The following DVL3 variants were observed in gnomAD, a reference collection of about 807,000 sequenced individuals.
DVL3 encodes the protein dishevelled segment polarity protein 3.
A neutral mutation model predicts 67.4 loss-of-function variants in DVL3; 27 were observed. The ratio of observed to expected loss-of-function variants is 0.40; its 90% CI spans 0.30 to 0.55. The LOEUF (loss-of-function observed/expected upper bound fraction) is 0.55. DVL3 is among the 20% of genes least tolerant of loss of function. The pLI is 0.46. For synonymous variants in DVL3, 369 were observed against 396.8 expected (o/e 0.93, Z 0.83); for missense variants, 819 against 1,021.5 (o/e 0.80, Z 2.70).
chr3:184,165,693 A>G lies in DVL3; in HGVS notation c.763+202A>G, dbSNP rs1714558884. Among the ~76,000 whole-genome samples, 3 of 152,188 alleles carry G rather than the reference A, an allele frequency of 2.0e-5. No homozygotes were observed. Among genetic ancestry groups the G allele is most frequent in the Admixed American group, 2.0e-4 (3 of 15,288 alleles). ...AGCACAGAGAGCTGTGGAAGCAGAA[A>G]ATGGTATCAGGGAAGGCTTCCTGGA... On this transcript the variant is annotated intron_variant, in intron 7 of 14. Coordinates refer to ENST00000313143, the MANE Select transcript of DVL3 (RefSeq NM_004423.4). This position sits in a 1 kb window ranked among gnomAD's most constrained non-coding sequence, Gnocchi z 4.1.
intron 13 of DVL3, among the ~76,000 whole-genome samples, chr3:184,169,611 C>A (rs1313126047): frequency 6.6e-6 from 1 of 152,140 alleles, no homozygotes; most frequent in African/African-American, 2.4e-5. Context: ...TCGCTTAAAC[C>A]AGGGAGGAAG....
In DVL3 at chr3:184,171,480, T is replaced by A; in HGVS notation, c.*725T>A. On this transcript the variant is annotated 3_prime_UTR_variant, in exon 15 of 15. Coordinates refer to ENST00000313143, the MANE Select transcript of DVL3 (RefSeq NM_004423.4). ...GGTTCCTTCAGACCCCTAACCCTACTAACCAGCAGGCTCATCTCACCTCCA... is the reference window on the plus strand; with the variant it reads ...GGTTCCTTCAGACCCCTAACCCTACAAACCAGCAGGCTCATCTCACCTCCA... The A allele has an allele frequency of 1.0e-6, 1 of 986,008 alleles. No individual in the cohort carries two copies. The highest frequency in any genetic ancestry group is 1.2e-6 in the Non-Finnish European group (1 of 830,048). 61.1% of individuals were successfully genotyped at this position (986,008 alleles called of 1,614,324 possible).
rs1381346832 is a variant in DVL3 at position 184,170,797 on chromosome 3, C to T, written c.*42C>T. The T allele has an allele frequency of 1.9e-6, 3 of 1,607,058 alleles. No homozygotes were observed. The highest frequency in any genetic ancestry group is 1.7e-6 in the Non-Finnish European group (2 of 1,177,134). On this transcript the variant is annotated 3_prime_UTR_variant, in exon 15 of 15. Transcript: ENST00000313143. The surrounding 1 kb of genome is among the most constrained non-coding windows in gnomAD (Gnocchi z 6.5). ...AGCTCCATTCCGCTCCCACCCCAGC[C>T]GGCTGCGTTCCTCTCTCCATCCGTC...
chr3:184,168,515 A>G (rs1162203989), intron 13 of DVL3, among the ~76,000 whole-genome samples: 4 of 152,194 alleles, frequency 2.6e-5, no homozygotes, highest in Non-Finnish European at 5.9e-5. Flanking sequence ...CGTCATCACC[A>G]GCTCTGGGCA....
rs1237322244 is a variant in DVL3, at chr3:184,155,854, T to A, written c.161+58T>A. On this transcript the variant is annotated intron_variant, in intron 1 of 14. Transcript: ENST00000313143. This position sits in a 1 kb window ranked among gnomAD's most constrained non-coding sequence, Gnocchi z 5.4. ...CCCGGCCGCTCTGGCTTCTAAGGGATGACGCGGTCCGTTTCGACTTGCCTC... is the reference window on the plus strand; with the variant it reads ...CCCGGCCGCTCTGGCTTCTAAGGGAAGACGCGGTCCGTTTCGACTTGCCTC... The A allele has an allele frequency of 6.5e-7, 1 of 1,542,150 alleles. No individual in the cohort carries two copies. Among genetic ancestry groups the A allele is most frequent in the Non-Finnish European group, 8.7e-7 (1 of 1,143,526 alleles).
In DVL3 at chr3:184,165,261, C is replaced by T. The variant is rs999553049; in HGVS notation, c.693+55C>T. 24 of 1,549,868 alleles carry T rather than the reference C, an allele frequency of 1.5e-5. No homozygotes were observed. Among genetic ancestry groups the T allele is most frequent in the South Asian group, 4.9e-5 (4 of 82,308 alleles). On this transcript the variant is annotated intron_variant, in intron 6 of 14. Transcript: ENST00000313143. The surrounding 1 kb of genome is among the most constrained non-coding windows in gnomAD (Gnocchi z 4.1). ...GGAGGCAGATTGTGAGCCCTTCCTA[C>T]GCAGGGCCAAGGCTTGTTCTTCCTT...
intron 1 of DVL3, among the ~76,000 whole-genome samples, chr3:184,156,607 A>G (rs1376946927): frequency 6.6e-6 from 1 of 152,194 alleles, no homozygotes; most frequent in African/African-American, 2.4e-5. Context: ...ACCCAGCTGC[A>G]GAGATCTGGA....
chr3:184,159,203 A>G lies in DVL3; in HGVS notation c.161+3407A>G, dbSNP rs1196027727. 1.9e-5 allele frequency among the ~76,000 whole-genome samples: 2 copies of G among 105,340 alleles called. 1 individual carries two copies. The highest frequency in any genetic ancestry group is 7.3e-5 in the African/African-American group (2 of 27,388). 69.1% of individuals were successfully genotyped at this position (105,340 alleles called of 152,430 possible). A position where few individuals can be genotyped will look rare whatever the true frequency, so the allele number is the denominator to read the frequency against. ...GCCTTGAGCTGTGAGAGAGGGCAGC[A>G]TGGCGATCAGGTCATTAGCTGTGTG... is the stretch of plus-strand genomic sequence containing the variant. On this transcript the variant is annotated intron_variant, in intron 1 of 14. Transcript: ENST00000313143.
Position 184,166,564 on chromosome 3 carries a change from C to T in DVL3, c.980+42C>T. On this transcript the variant is annotated intron_variant, in intron 9 of 14. Transcript: ENST00000313143. This position sits in a 1 kb window ranked among gnomAD's most constrained non-coding sequence, Gnocchi z 6.7. ...GCACTGGGCAAGGGGCTTGGTCTGG[C>T]CTATACGCATCCTGCCTTCACTAGG... The T allele has an allele frequency of 6.2e-7, 1 of 1,614,116 alleles. No homozygotes were observed. The highest frequency in any genetic ancestry group is 8.5e-7 in the Non-Finnish European group (1 of 1,179,992).
In DVL3 at chr3:184,165,400, T is replaced by A. The variant is rs200716349; in HGVS notation, c.694-22T>A. The stretch of plus-strand genomic sequence containing the variant: ...AATTCCTGCCACCTCCACCTGCTGC[T>A]CAGGGCCTCTGTCTATTCCAGTCCT... On this transcript the variant is annotated intron_variant, in intron 6 of 14. Coordinates refer to ENST00000313143, the MANE Select transcript of DVL3 (RefSeq NM_004423.4). The surrounding 1 kb of genome is among the most constrained non-coding windows in gnomAD (Gnocchi z 4.1). 11 of 1,613,284 alleles carry A rather than the reference T, an allele frequency of 6.8e-6. No homozygotes were observed. In the South Asian group the frequency reaches 1.2e-4, roughly 18 times the overall value.
Position 184,171,163 on chromosome 3 carries a change from T to G in DVL3, c.*408T>G. 1.7e-6 allele frequency: 2 copies of G among 1,154,474 alleles called. No individual in the cohort carries two copies. 71.5% of individuals were successfully genotyped at this position (1,154,474 alleles called of 1,614,324 possible). On this transcript the variant is annotated 3_prime_UTR_variant, in exon 15 of 15. Coordinates refer to ENST00000313143, the MANE Select transcript of DVL3 (RefSeq NM_004423.4). ...AGCTCCCTTTCACCATTTATTCAGC[T>G]ACATCATCCCTCTATTAACCCCACC...
In DVL3 at chr3:184,164,717, C is replaced by T; in HGVS notation, c.464-79C>T. 1.2e-6 allele frequency: 2 copies of T among 1,600,476 alleles called. No individual in the cohort carries two copies. The highest frequency in any genetic ancestry group is 2.3e-5 in the South Asian group (2 of 88,862). ...GCTCAGGATATGCCTGGCCCCAGTG[C>T]AGCCCCTGGCTTGCCTCTCTCCCTC... is the stretch of plus-strand genomic sequence containing the variant. On this transcript the variant is annotated intron_variant, in intron 4 of 14. Transcript: ENST00000313143. The surrounding 1 kb of genome is among the most constrained non-coding windows in gnomAD (Gnocchi z 5.3).
Position 184,170,449 on chromosome 3 carries a change from G to T in DVL3, c.1845G>T (p.Gly615=). 6.3e-7 allele frequency: 1 copy of T among 1,582,770 alleles called. No homozygotes were observed. Among genetic ancestry groups the T allele is most frequent in the South Asian group, 1.1e-5 (1 of 87,630 alleles). ...SDHTTRSSLR[G]PRERAPSERS... ...ACACCACACGCAGCAGCCTGCGGGG[G>T]CCGCGGGAGCGGGCGCCCAGCGAGC... is the stretch of plus-strand genomic sequence containing the variant. The change falls in exon 15 of 15, where the codon GGG becomes GGT. Residue 615 remains glycine, a synonymous_variant. Transcript: ENST00000313143. This position sits in a 1 kb window ranked among gnomAD's most constrained non-coding sequence, Gnocchi z 6.5.
rs1273428289 is a variant in DVL3, at chr3:184,155,828, C to G, written c.161+32C>G. 6.3e-7 allele frequency: 1 copy of G among 1,577,972 alleles called. No homozygotes were observed. The highest frequency in any genetic ancestry group is 1.4e-5 in the African/African-American group (1 of 73,220). On this transcript the variant is annotated intron_variant, in intron 1 of 14. Transcript: ENST00000313143. This position sits in a 1 kb window ranked among gnomAD's most constrained non-coding sequence, Gnocchi z 5.4. ...ATGGCCCCCGCCCCGCCTCCGGGAGCCCCGGCCGCTCTGGCTTCTAAGGGA... is the reference window on the plus strand; with the variant it reads ...ATGGCCCCCGCCCCGCCTCCGGGAGGCCCGGCCGCTCTGGCTTCTAAGGGA...
chr3:184,163,793 C>T lies in DVL3; in HGVS notation c.231+67C>T, dbSNP rs1714465007. 3.5e-6 allele frequency: 5 copies of T among 1,414,916 alleles called. No individual in the cohort carries two copies. The highest frequency in any genetic ancestry group is 3.5e-5 in the South Asian group (3 of 86,030). The allele number at this position is 1,414,916 out of a possible 1,614,324, so 87.6% of individuals were successfully genotyped here. Reference sequence around the variant, plus strand: ...TGGGCTGGACGAGGGAAAGGCATCACTGAGATTGTAGCTGGTGGTTTTAAG... The same window carrying T: ...TGGGCTGGACGAGGGAAAGGCATCATTGAGATTGTAGCTGGTGGTTTTAAG... On this transcript the variant is annotated intron_variant, in intron 2 of 14. Transcript: ENST00000313143. This position sits in a 1 kb window ranked among gnomAD's most constrained non-coding sequence, Gnocchi z 4.5.
chr3:184,170,570 C>G lies in DVL3; in HGVS notation c.1966C>G (p.Pro656Ala), dbSNP rs1270820963. 1.2e-6 allele frequency: 2 copies of G among 1,612,448 alleles called. No homozygotes were observed. Among genetic ancestry groups the G allele is most frequent in the Non-Finnish European group, 1.7e-6 (2 of 1,179,148 alleles). ...SHHTHPSYGP[P>A]GVPPLYGPPM... ...CCACACACACCCGAGCTACGGTCCT[C>G]CCGGAGTGCCCCCTCTCTACGGCCC... Residue 656 changes from proline (P) to alanine (A), a missense_variant, in exon 15 of 15, where the codon CCC (proline) becomes GCC (alanine). Coordinates refer to ENST00000313143, the MANE Select transcript of DVL3 (RefSeq NM_004423.4). This position sits in a 1 kb window ranked among gnomAD's most constrained non-coding sequence, Gnocchi z 6.5.
chr3:184,166,897 G>A lies in DVL3; in HGVS notation c.1120G>A (p.Ala374Thr), dbSNP rs1714612048. 1.9e-6 allele frequency: 3 copies of A among 1,614,110 alleles called. No homozygotes were observed. Among genetic ancestry groups the A allele is most frequent in the Non-Finnish European group, 2.5e-6 (3 of 1,180,034 alleles). ...TGCAGCCATGACCGGCACCTTCCCT[G>A]CATACGGCATGAGCCCCTCCCTGAG... ...HTAAMTGTFP[A>T]YGMSPSLSTI... The change falls in exon 11 of 15, where the codon GCA becomes ACA. Residue 374 changes from alanine to threonine, a missense_variant. Coordinates refer to ENST00000313143, the MANE Select transcript of DVL3 (RefSeq NM_004423.4). This position sits in a 1 kb window ranked among gnomAD's most constrained non-coding sequence, Gnocchi z 6.7.
In DVL3 at chr3:184,166,291, G is replaced by T. The variant is rs559178975; in HGVS notation, c.903+26G>T. 5.0e-6 allele frequency: 8 copies of T among 1,610,118 alleles called. No homozygotes were observed. In the South Asian group the frequency reaches 7.7e-5, roughly 16 times the overall value. On this transcript the variant is annotated intron_variant, in intron 8 of 14. Transcript: ENST00000313143. The surrounding 1 kb of genome is among the most constrained non-coding windows in gnomAD (Gnocchi z 6.7). ...GTATCAGTGCCCATCCTAGGCGGTG[G>T]TGTGGATAGAGGGCAGGGAGGTGTC...
chr3:184,159,239 C>G lies in DVL3; in HGVS notation c.161+3443C>G, dbSNP rs1714298764. On this transcript the variant is annotated intron_variant, in intron 1 of 14. Transcript: ENST00000313143. ...GTCATTAGCTGTGTGGCTTCCTGCT[C>G]CACTGTCCTCCCTCTGGGCCTTCCA... is the stretch of plus-strand genomic sequence containing the variant. Among the ~76,000 whole-genome samples, 2 of 105,886 alleles carry G rather than the reference C, an allele frequency of 1.9e-5. 1 individual carries two copies. Among genetic ancestry groups the G allele is most frequent in the Non-Finnish European group, 4.2e-5 (2 of 47,922 alleles). 69.5% of individuals were successfully genotyped at this position (105,886 alleles called of 152,430 possible).
Sources: allele counts gnomAD v4.1 joint callset (sites outside exome capture counted in the v4.1 genomes callset), GRCh38; gene constraint gnomAD v4.1.1; non-coding constraint Gnocchi (gnomAD v3.1); transcripts MANE v1.5; gene names NCBI Gene and HGNC (gene_info 2026-07-23, HGNC 2026-07-21).